Variants in SYNE1 observed in about 807,000 individuals in gnomAD.
SYNE1 encodes the protein spectrin repeat containing nuclear envelope protein 1, also known as nesprin-1.
A neutral mutation model predicts 1,111.0 loss-of-function variants in SYNE1; 616 were observed. The observed-to-expected ratio is 0.55, with a 90% CI of 0.52 to 0.59. The LOEUF (loss-of-function observed/expected upper bound fraction) is 0.59. Among genes scored for constraint, SYNE1 ranks in the 20% least tolerant of loss-of-function variants. The pLI is 0.00. For missense variants in SYNE1, 10,006 were observed against 10,417.0 expected (o/e 0.96, Z 1.72); for synonymous variants, 3,855 against 3,825.8 (o/e 1.01, Z -0.28).
At chr6:152,256,110 A>G in intron 102 of SYNE1, among the ~76,000 whole-genome samples, 1 of 151,192 alleles carries the variant, frequency 6.6e-6, no homozygotes, top group Non-Finnish European at 1.5e-5. Context: ...AATAAAATAA[A>G]ATAAAATAAA....
At chr6:152,615,196 G>A (rs983195175) in intron 3 of SYNE1, among the ~76,000 whole-genome samples, 21 of 152,112 alleles carry the variant, frequency 1.4e-4, no homozygotes, top group Non-Finnish European at 1.8e-4. Context: ...CAACCATTAA[G>A]TGTCACCTAG....
rs2076806472 is a variant in SYNE1 at position 152,207,865 on chromosome 6, T to A, written c.22824+107A>T. ...TGTTGACATTTGAGAACAATGTTTG[T>A]CCCAGCTGCAATGTCACTCTAGAGT... On this transcript the variant is annotated intron_variant, in intron 125 of 145. Coordinates refer to ENST00000367255, the MANE Select transcript of SYNE1 (RefSeq NM_182961.4). 3 of 999,342 alleles carry A rather than the reference T, an allele frequency of 3.0e-6. No individual in the cohort carries two copies. The East Asian group carries it at 7.4e-5, about 25-fold the overall frequency. The allele number at this position is 999,342 out of a possible 1,614,324, so 61.9% of individuals were successfully genotyped here.
At chr6:152,494,566 C>T (rs914150768) in intron 11 of SYNE1, among the ~76,000 whole-genome samples, 2 of 152,158 alleles carry the variant, frequency 1.3e-5, no homozygotes, top group African/African-American at 4.8e-5. Flanking sequence ...CCTCCACTAC[C>T]TCTCAGCAAG....
intron 16 of SYNE1, among the ~76,000 whole-genome samples, chr6:152,467,853 A>G (rs1011052626): frequency 6.6e-6 from 1 of 152,102 alleles, no homozygotes; most frequent in Non-Finnish European, 1.5e-5. Context: ...TTTTCTGAAC[A>G]TGGAGTAAAT....
chr6:152,170,006 CTT>C (rs902927024), intron 130 of SYNE1, among the ~76,000 whole-genome samples: 1 of 151,882 alleles, frequency 6.6e-6, no homozygotes, highest in African/African-American at 2.4e-5. Flanking sequence ...CTATAGGCAA[CTT>C]TGTTTTTTTC....
At chr6:152,483,704 A>G (rs2098922629) in intron 13 of SYNE1, among the ~76,000 whole-genome samples, 1 of 152,094 alleles carries the variant, frequency 6.6e-6, no homozygotes, top group Admixed American at 6.6e-5. Flanking sequence ...AAAAATGAGG[A>G]TTATCTAAGC....
At chr6:152,581,415 A>T (rs1411033981) in intron 3 of SYNE1, among the ~76,000 whole-genome samples, 1 of 152,166 alleles carries the variant, frequency 6.6e-6, no homozygotes, top group Non-Finnish European at 1.5e-5. Context: ...GCAAAGAATA[A>T]TGTCATTCCA....
chr6:152,505,049 AGAAAATTGATGCAG>A, intron 9 of SYNE1, 138 bp downstream of exon 9: 1 of 859,226 alleles, frequency 1.2e-6, no homozygotes, highest in Non-Finnish European at 1.9e-6. Context: ...TTTATCCAGA[AGAAAATTGATGCAG>A]GAAAATACCA....
intron 97 of SYNE1, 53 bp downstream of exon 97, chr6:152,281,754 T>TA (rs2094040947): frequency 2.5e-6 from 4 of 1,603,542 alleles, no homozygotes; most frequent in Admixed American, 1.7e-5. Context: ...TTCTGTAGTT[T>TA]AAAAAAATGT....
chr6:152,530,950 C>A (rs1006875618), intron 4 of SYNE1, among the ~76,000 whole-genome samples: 1 of 152,052 alleles, frequency 6.6e-6, no homozygotes, highest in Non-Finnish European at 1.5e-5. Flanking sequence ...GCTGTCCCTG[C>A]CTGGGACATG....
chr6:152,279,776 G>A (rs937351508), intron 97 of SYNE1, among the ~76,000 whole-genome samples: 2 of 148,176 alleles, frequency 1.3e-5, no homozygotes, highest in Admixed American at 1.3e-4. Context: ...CTAAGTAGAA[G>A]AGTAATACTT....
At chr6:152,467,432 C>T (rs751910076) in intron 16 of SYNE1, among the ~76,000 whole-genome samples, 1 of 152,008 alleles carries the variant, frequency 6.6e-6, no homozygotes, top group Non-Finnish European at 1.5e-5. Flanking sequence ...GTTCAAGATA[C>T]TGCGTAAGAA....
intron 3 of SYNE1, among the ~76,000 whole-genome samples, chr6:152,573,220 T>G (rs575497620): frequency 2.4e-3 from 361 of 152,104 alleles, no homozygotes; most frequent in African/African-American, 7.9e-3. Flanking sequence ...TTAGGGTACA[T>G]GTGCACAACG....
intron 54 of SYNE1, among the ~76,000 whole-genome samples, chr6:152,386,823 T>C (rs1016434988): frequency 5.3e-5 from 8 of 151,876 alleles, no homozygotes; most frequent in Non-Finnish European, 1.0e-4. Context: ...AAGAGAAAAA[T>C]AAGCAATAAA....
rs78034368 is a variant in SYNE1, at chr6:152,396,761, T to C, written c.7556+14A>G. ...TGGTGTATGATGAAATCTATGTTTG[T>C]TAAACTAACCTACCTTCCAAGTTCT... On this transcript the variant is annotated intron_variant, in intron 50 of 145. Coordinates refer to ENST00000367255, the MANE Select transcript of SYNE1 (RefSeq NM_182961.4). 49,557 of 1,612,874 alleles carry C rather than the reference T, an allele frequency of 0.031. 889 individuals are homozygous for C. The highest frequency in any genetic ancestry group is 0.053 in the Middle Eastern group (320 of 6,058).
intron 31 of SYNE1, among the ~76,000 whole-genome samples, 168 bp from the exon 32 acceptor site, chr6:152,441,438 C>T (rs893376056): frequency 1.3e-5 from 2 of 152,092 alleles, no homozygotes; most frequent in African/African-American, 4.8e-5. Flanking sequence ...TTTCTTTTCT[C>T]TATGTTAATG....
chr6:152,278,032 G>A, intron 98 of SYNE1, 57 bp downstream of exon 98: 1 of 1,590,840 alleles, frequency 6.3e-7, no homozygotes, highest in East Asian at 2.2e-5. Flanking sequence ...AACCTTAGAA[G>A]GAGCACGTGA....
chr6:152,387,574 A>G (rs1257116165), intron 53 of SYNE1, among the ~76,000 whole-genome samples, 193 bp from the exon 54 acceptor site: 1 of 152,220 alleles, frequency 6.6e-6, no homozygotes, highest in African/African-American at 2.4e-5. Context: ...TCCTTTGAAC[A>G]AAGTCAATCT....
intron 6 of SYNE1, among the ~76,000 whole-genome samples, chr6:152,518,528 G>C (rs1042085294): frequency 6.6e-6 from 1 of 151,922 alleles, no homozygotes; most frequent in Non-Finnish European, 1.5e-5. Context: ...AGGCCTCTCC[G>C]GAAACTGATG....
Sources: allele counts gnomAD v4.1 joint callset (sites outside exome capture counted in the v4.1 genomes callset), GRCh38; gene constraint gnomAD v4.1.1; transcripts MANE v1.5; gene names NCBI Gene and HGNC (gene_info 2026-07-23, HGNC 2026-07-21).